Variants in CLASP1 observed in about 807,000 individuals in gnomAD.
CLASP1 encodes CLIP-associating protein 1.
Under a neutral mutation model 192.3 loss-of-function variants are expected in CLASP1, and 38 were observed. The ratio of observed to expected loss-of-function variants is 0.20; its 90% CI spans 0.15 to 0.26. CLASP1 has a LOEUF of 0.26. Ranked by LOEUF, CLASP1 falls within the 10% of genes least tolerant of loss-of-function variation. CLASP1 has a pLI of 1.00. For missense variants in CLASP1, 1,433 were observed against 1,932.5 expected (o/e 0.74, Z 4.85); for synonymous variants, 691 against 712.8 (o/e 0.97, Z 0.49).
chr2:121,544,743 T>C (rs2095297377), intron 2 of CLASP1, among the ~76,000 whole-genome samples: 1 of 151,692 alleles, frequency 6.6e-6, no homozygotes, highest in Non-Finnish European at 1.5e-5. Context: ...ACTGGGTCAG[T>C]AAACAAGAAA....
chr2:121,547,268 C>G (rs2057539917), intron 2 of CLASP1, among the ~76,000 whole-genome samples: 1 of 152,168 alleles, frequency 6.6e-6, no homozygotes, highest in Non-Finnish European at 1.5e-5. Context: ...AGCCTCTCTG[C>G]CACTGCCGCT....
chr2:121,374,446 A>C (rs1008167971), intron 34 of CLASP1, among the ~76,000 whole-genome samples: 1 of 152,262 alleles, frequency 6.6e-6, no homozygotes, highest in Admixed American at 6.5e-5. Context: ...GAGCCCCCAC[A>C]GAGTCCCCAC....
chr2:121,466,103 A>C (rs1484098659), intron 9 of CLASP1, among the ~76,000 whole-genome samples: 3 of 152,212 alleles, frequency 2.0e-5, no homozygotes, highest in Non-Finnish European at 4.4e-5. Flanking sequence ...TAATTACCCA[A>C]GAATAGTTCA....
At chr2:121,447,607 C>A in intron 18 of CLASP1, 100 bp from the exon 19 acceptor site, 3 of 980,996 alleles carry the variant, frequency 3.1e-6, no homozygotes, top group South Asian at 1.7e-5. Context: ...AAACAAATAC[C>A]AAGTTTTAAC....
chr2:121,448,991 C>A (rs1309083366), exon 17 of CLASP1: 9 of 1,613,838 alleles, frequency 5.6e-6, no homozygotes, highest in Non-Finnish European at 7.6e-6. Context: ...AGCGGTCTGA[C>A]TGAGGCAGAG....
chr2:121,383,701 T>C (rs1400590596), intron 32 of CLASP1, among the ~76,000 whole-genome samples: 1 of 151,984 alleles, frequency 6.6e-6, no homozygotes, highest in East Asian at 1.9e-4. Flanking sequence ...CTTTTTTTTT[T>C]CTTAAAGGAA....
chr2:121,623,106 A>G (rs988614107), intron 1 of CLASP1, among the ~76,000 whole-genome samples: 3 of 152,082 alleles, frequency 2.0e-5, no homozygotes, highest in African/African-American at 7.2e-5. Context: ...TAAAGACTAT[A>G]TGTCTTGTTC....
rs2093957794 is a variant in CLASP1 at position 121,506,630 on chromosome 2, C to G, written c.645-3396G>C. Among the ~76,000 whole-genome samples the G allele has an allele frequency of 2.0e-5, 3 of 152,116 alleles. No individual in the cohort carries two copies. The South Asian group carries it at 6.2e-4, about 31-fold the overall frequency. On this transcript the variant is annotated intron_variant, in intron 7 of 39. Transcript: ENST00000263710. ...CACATGCACAGGCCCAGGAAAGACC[C>G]CTGAAGCCTCTAATGTCCCCACTGG...
At chr2:121,455,517 C>T (rs1022844982) in intron 14 of CLASP1, among the ~76,000 whole-genome samples, 9 of 152,052 alleles carry the variant, frequency 5.9e-5, no homozygotes, top group African/African-American at 2.2e-4. Context: ...ACAGATAAAC[C>T]TGGAAAATAT....
intron 1 of CLASP1, among the ~76,000 whole-genome samples, chr2:121,607,660 C>T (rs998340864): frequency 6.6e-6 from 1 of 152,176 alleles, no homozygotes; most frequent in African/African-American, 2.4e-5. Context: ...GATTCAGTAC[C>T]TCCCTGATAC....
At chr2:121,648,413 G>A (rs1464476273) in intron 1 of CLASP1, among the ~76,000 whole-genome samples, 2 of 152,178 alleles carry the variant, frequency 1.3e-5, no homozygotes, top group African/African-American at 2.4e-5. Context: ...CGAATGGTCA[G>A]TATTTAATGA....
intron 2 of CLASP1, among the ~76,000 whole-genome samples, chr2:121,589,294 T>C (rs2062089776): frequency 6.6e-6 from 1 of 152,134 alleles, no homozygotes; most frequent in Admixed American, 6.5e-5. Context: ...AAATGGAGAA[T>C]CAAATAAGAT....
intron 34 of CLASP1, among the ~76,000 whole-genome samples, chr2:121,369,503 A>G (rs2068139386): frequency 6.6e-6 from 1 of 152,158 alleles, no homozygotes; most frequent in South Asian, 2.1e-4. Context: ...TTTAAAAAAA[A>G]CAAAAAAAGA....
chr2:121,506,179 G>A (rs757767710), intron 7 of CLASP1, among the ~76,000 whole-genome samples: 1 of 152,098 alleles, frequency 6.6e-6, no homozygotes, highest in East Asian at 1.9e-4. Flanking sequence ...GGCAAAAACC[G>A]TCCAAATCAA....
At chr2:121,477,334 T>C (rs755606017) in intron 8 of CLASP1, among the ~76,000 whole-genome samples, 10 of 152,362 alleles carry the variant, frequency 6.6e-5, no homozygotes, top group East Asian at 1.9e-4. Context: ...TATGGTTTAA[T>C]TGGATAATAA....
chr2:121,488,316 C>T (rs2093106370), intron 8 of CLASP1, among the ~76,000 whole-genome samples: 1 of 152,194 alleles, frequency 6.6e-6, no homozygotes, highest in Admixed American at 6.5e-5. Flanking sequence ...GTGGATGTGT[C>T]CCTGTATCAA....
At chr2:121,633,967 C>G (rs2070309189) in intron 1 of CLASP1, among the ~76,000 whole-genome samples, 1 of 150,672 alleles carries the variant, frequency 6.6e-6, no homozygotes, top group South Asian at 2.1e-4. Context: ...CACTGCACTC[C>G]AGCCTGGGCG....
chr2:121,552,606 T>C (rs897076890), intron 2 of CLASP1, among the ~76,000 whole-genome samples: 2 of 152,200 alleles, frequency 1.3e-5, no homozygotes, highest in African/African-American at 4.8e-5. Context: ...TCAACATCAC[T>C]GATCATTAGA....
chr2:121,538,821 T>C (rs897370320), intron 2 of CLASP1, among the ~76,000 whole-genome samples: 2 of 151,890 alleles, frequency 1.3e-5, no homozygotes, highest in African/African-American at 4.8e-5. Context: ...AGGTGCATTA[T>C]AAAATTAAGT....
Sources: gnomAD v4.1 joint callset for allele counts (sites outside exome capture counted in the v4.1 genomes callset) on GRCh38, gnomAD v4.1.1 for gene constraint, MANE v1.5 for transcripts, NCBI Gene and HGNC (gene_info 2026-07-23, HGNC 2026-07-21) for gene names.